STRADA: variants seen among roughly 807,000 people sequenced by gnomAD.
The protein encoded by STRADA is STE20 related adaptor alpha.
Under a neutral mutation model 55.0 loss-of-function variants are expected in STRADA, and 26 were observed. The observed-to-expected ratio is 0.47, with a 90% CI of 0.35 to 0.66. STRADA has a LOEUF of 0.66. STRADA is among the 30% of genes least tolerant of loss of function. STRADA has a pLI of 0.01. For missense variants in STRADA, 443 were observed against 549.7 expected (o/e 0.81, Z 1.94); for synonymous variants, 197 against 210.9 (o/e 0.93, Z 0.57).
rs761800599 is a variant in STRADA at position 63,740,155 on chromosome 17, C to CATATAT, written c.-45+1585_-45+1586insATATAT. Among the ~76,000 whole-genome samples the CATATAT allele has an allele frequency of 2.3e-4, 26 of 111,454 alleles. 1 individual carries two copies. The highest frequency in any genetic ancestry group is 6.4e-4 in the South Asian group (2 of 3,116). The allele number at this position is 111,454 out of a possible 152,430, so 73.1% of individuals were successfully genotyped here. A position where few individuals can be genotyped will look rare whatever the true frequency, so the allele number is the denominator to read the frequency against. Reference sequence around the variant, plus strand: ...ACATACATATATATATATACACACACACACACACACACACACACACACACA... The same window carrying CATATAT: ...ACATACATATATATATATACACACACATATATACACACACACACACACACACACACA... On this transcript the variant is annotated intron_variant, in intron 1 of 12. Coordinates refer to ENST00000336174, the MANE Select transcript of STRADA (RefSeq NM_001003787.4).
chr17:63,737,042 A>G (rs963125555), intron 1 of STRADA, among the ~76,000 whole-genome samples: 25 of 151,882 alleles, frequency 1.6e-4, no homozygotes. Flanking sequence ...TGAGGTCAGG[A>G]GTTCAAGACC....
chr17:63,739,908 G>C (rs1209213727), intron 1 of STRADA, among the ~76,000 whole-genome samples: 1 of 145,466 alleles, frequency 6.9e-6, no homozygotes, highest in Non-Finnish European at 1.5e-5. Flanking sequence ...TGGGGAGATG[G>C]AATCGGTGGC....
At chr17:63,732,899 T>C (rs980592462) in intron 1 of STRADA, among the ~76,000 whole-genome samples, 5 of 151,834 alleles carry the variant, frequency 3.3e-5, no homozygotes, top group Non-Finnish European at 7.4e-5. Flanking sequence ...CATTTTCTTT[T>C]TGGGGAAGGA....
At chr17:63,728,442 T>C (rs1476911545) in intron 1 of STRADA, 29 bp from the exon 2 acceptor site, 9 of 1,352,558 alleles carry the variant, frequency 6.7e-6, no homozygotes, top group Non-Finnish European at 7.2e-6. Flanking sequence ...CAGGTTGAGT[T>C]AGCAAAAATC....
At chr17:63,707,726 ATTTT>A (rs557629042) in intron 8 of STRADA, among the ~76,000 whole-genome samples, 1 of 145,356 alleles carries the variant, frequency 6.9e-6, no homozygotes, top group Non-Finnish European at 1.5e-5. Context: ...CACCCAGCTA[ATTTT>A]TTTTTTTCTT....
At chr17:63,711,317 G>A (rs1278896491) in intron 6 of STRADA, among the ~76,000 whole-genome samples, 1 of 152,124 alleles carries the variant, frequency 6.6e-6, no homozygotes. Context: ...TTATAGGCGT[G>A]AGCCACCAAG....
intron 4 of STRADA, among the ~76,000 whole-genome samples, chr17:63,719,610 G>T (rs1296691897): frequency 6.6e-6 from 1 of 151,806 alleles, no homozygotes; most frequent in Non-Finnish European, 1.5e-5. Flanking sequence ...CAGCCTCCTG[G>T]GTAGCTGGGA....
At chr17:63,707,103 G>T in intron 9 of STRADA, 144 bp downstream of exon 9, 1 of 992,478 alleles carries the variant, frequency 1.0e-6, no homozygotes, top group Non-Finnish European at 1.5e-6. Context: ...GTGGACAGGC[G>T]CTGCCCACGC....
At chr17:63,728,080 A>T in intron 2 of STRADA, 1 of 448,884 alleles carries the variant, frequency 2.2e-6, no homozygotes, top group Non-Finnish European at 4.0e-6. Flanking sequence ...TATGACTGAT[A>T]TTCATGAAAT....
chr17:63,703,510 A>C lies in STRADA; in HGVS notation c.*89T>G. ...AATGTCCTTTCTACCCAATCTGCCC[A>C]GGAGGGCGGGAATGTGGCCGGCCCT... is the stretch of plus-strand genomic sequence containing the variant. On this transcript the variant is annotated 3_prime_UTR_variant, in exon 13 of 13. Transcript: ENST00000336174. 1 of 1,278,088 alleles carries C rather than the reference A, an allele frequency of 7.8e-7. No homozygotes were observed. The highest frequency in any genetic ancestry group is 1.1e-6 in the Non-Finnish European group (1 of 926,122). The allele number at this position is 1,278,088 out of a possible 1,614,324, so 79.2% of individuals were successfully genotyped here.
At chr17:63,707,888 G>C (rs7210550) in intron 8 of STRADA, among the ~76,000 whole-genome samples, 1 of 145,154 alleles carries the variant, frequency 6.9e-6, no homozygotes, top group Non-Finnish European at 1.5e-5. Context: ...CCGCCACCAC[G>C]CCCGGCTAAT....
chr17:63,712,715 A>C (rs1200999838), intron 6 of STRADA, among the ~76,000 whole-genome samples: 1 of 151,680 alleles, frequency 6.6e-6, no homozygotes, highest in Non-Finnish European at 1.5e-5. Flanking sequence ...CTCGAAAAAA[A>C]AGAGGCCAGA....
intron 8 of STRADA, 200 bp downstream of exon 8, chr17:63,710,291 C>T (rs1228893141): frequency 3.4e-5 from 26 of 763,226 alleles, no homozygotes; most frequent in Non-Finnish European, 2.9e-5. Context: ...CCTGCCTTGG[C>T]CTCCCAAGCG....
intron 4 of STRADA, 107 bp from the exon 5 acceptor site, chr17:63,714,215 C>T (rs1419035208): frequency 3.9e-6 from 3 of 766,332 alleles, no homozygotes; most frequent in African/African-American, 3.4e-5. Context: ...TCTAAACACA[C>T]ACACAAATCC....
rs145778750 is a variant in STRADA, at chr17:63,737,878, T to G, written c.-45+3863A>C. Among the ~76,000 whole-genome samples, 1,310 of 151,984 alleles carry G rather than the reference T, an allele frequency of 8.6e-3. 16 individuals are homozygous for G. Among genetic ancestry groups the G allele is most frequent in the African/African-American group, 0.03 (1,256 of 41,440 alleles). ...GGCATGTGCCTGTGGTCCCAGCTACTCAGGAGGCTGAGACGGGAGGATCAC... is the reference window on the plus strand; with the variant it reads ...GGCATGTGCCTGTGGTCCCAGCTACGCAGGAGGCTGAGACGGGAGGATCAC... On this transcript the variant is annotated intron_variant, in intron 1 of 12. Coordinates refer to ENST00000336174, the MANE Select transcript of STRADA (RefSeq NM_001003787.4).
intron 4 of STRADA, chr17:63,719,206 C>T (rs2037115994): frequency 6.6e-6 from 1 of 152,180 alleles, no homozygotes; most frequent in Admixed American, 6.5e-5. Context: ...CATAATGACA[C>T]AGTCGTTAGA....
chr17:63,733,359 T>C (rs2038202017), intron 1 of STRADA, among the ~76,000 whole-genome samples: 1 of 151,976 alleles, frequency 6.6e-6, no homozygotes, highest in Non-Finnish European at 1.5e-5. Context: ...TACAATCTTT[T>C]TTTTTTATTT....
chr17:63,722,349 CT>C, intron 4 of STRADA, among the ~76,000 whole-genome samples: 1 of 152,350 alleles, frequency 6.6e-6, no homozygotes, highest in African/African-American at 2.4e-5. Context: ...ACACATTCAA[CT>C]TCCCACAGGT....
In STRADA at chr17:63,710,834, G is replaced by A. The variant is rs781381391; in HGVS notation, c.351C>T (p.Gly117=). Residue 117 remains glycine (G), a splice_region_variant and synonymous_variant, in exon 7 of 13, where the codon GGC becomes GGT. Coordinates refer to ENST00000336174, the MANE Select transcript of STRADA (RefSeq NM_001003787.4). ...TGAAGAGTTTGGAGACATGCAGCTC[G>A]CCCTGGAAGCAATGATGAAGCTGAA... The part of the protein sequence containing the change: ...CSNEMVTFLQ[G]ELHVSKLFNH... 39 of 1,613,938 alleles carry A rather than the reference G, an allele frequency of 2.4e-5. No homozygotes were observed. Among genetic ancestry groups the A allele is most frequent in the Non-Finnish European group, 2.7e-5 (32 of 1,179,974 alleles).
Sources: gnomAD v4.1 joint callset for allele counts (sites outside exome capture counted in the v4.1 genomes callset) on GRCh38, gnomAD v4.1.1 for gene constraint, MANE v1.5 for transcripts, NCBI Gene and HGNC (gene_info 2026-07-23, HGNC 2026-07-21) for gene names.